The following SAMD4B variants were observed in gnomAD, a reference collection of about 807,000 sequenced individuals.
The protein encoded by SAMD4B is protein Smaug homolog 2.
SAMD4B carries 5 observed loss-of-function variants against 74.5 expected under a neutral mutation model. That is an observed-to-expected ratio of 0.07 (90% confidence interval 0.04 to 0.14). The LOEUF is 0.14. Among genes scored for constraint, SAMD4B ranks in the 10% least tolerant of loss-of-function variants. SAMD4B has a pLI of 1.00. For missense variants in SAMD4B, 608 were observed against 921.8 expected (o/e 0.66, Z 4.41); for synonymous variants, 373 against 374.9 (o/e 1.00, Z 0.06).
chr19:39,390,261 T>G (rs775501264), downstream of SAMD4B: 1 of 1,613,526 alleles, frequency 6.2e-7, no homozygotes. Context: ...GGGGCTCACC[T>G]CTCAGGCAGA....
Position 39,357,029 on chromosome 19 carries a change from G to C in SAMD4B, c.136G>C (p.Glu46Gln). The C allele has an allele frequency of 6.2e-7, 1 of 1,614,058 alleles. No individual in the cohort carries two copies. Among genetic ancestry groups the C allele is most frequent in the Non-Finnish European group, 8.5e-7 (1 of 1,179,934 alleles). Residue 46 changes from glutamate to glutamine, a missense_variant, in exon 3 of 14, where the codon GAG (glutamate) becomes CAG (glutamine). Around this residue, in one of 9 missense-constraint regions of SAMD4B, gnomAD observed 74 missense variants for 182.0 expected, o/e 0.41. Transcript: ENST00000610417. The stretch of plus-strand genomic sequence containing the variant: ...GGCCCGCTTCCTGCAGCTCTGCCTG[G>C]AGCACTCACTGGCGGACTGCAATGA... ...TQARFLQLCL[E>Q]HSLADCNDIH...
At position 39,375,525 on chromosome 19, in the gene SAMD4B, C is replaced by T. The variant is rs1308956552; in HGVS notation, c.668-125C>T. 7 of 1,269,504 alleles carry T rather than the reference C, an allele frequency of 5.5e-6. No individual in the cohort carries two copies. Among genetic ancestry groups the T allele is most frequent in the South Asian group, 1.4e-5 (1 of 70,340 alleles). 78.6% of individuals were successfully genotyped at this position (1,269,504 alleles called of 1,614,324 possible). ...ATCTGGTAGGCAGTTACCCTTGGAC[C>T]CCAGGTCCCTTCCTCTTGGCAGGTT... On this transcript the variant is annotated intron_variant, in intron 4 of 13. Coordinates refer to ENST00000610417, the MANE Select transcript of SAMD4B (RefSeq NM_001384574.2). The surrounding 1 kb of genome is among the most constrained non-coding windows in gnomAD (Gnocchi z 4.1).
downstream of SAMD4B, among the ~76,000 whole-genome samples, chr19:39,388,010 A>T (rs2078290555): frequency 6.6e-6 from 1 of 152,150 alleles, no homozygotes; most frequent in Non-Finnish European, 1.5e-5. Flanking sequence ...CCATGCTGGC[A>T]CACGCCTGTG....
chr19:39,354,638 A>G (rs2076241089), intron 2 of SAMD4B, among the ~76,000 whole-genome samples: 1 of 152,190 alleles, frequency 6.6e-6, no homozygotes, highest in African/African-American at 2.4e-5. Context: ...GCCAAATTAT[A>G]TAGGAATGAA....
intron 6 of SAMD4B, 41 bp downstream of exon 6, chr19:39,376,587 G>A (rs750506941): frequency 1.3e-5 from 20 of 1,589,396 alleles, no homozygotes; most frequent in Admixed American, 3.3e-5. Context: ...TGGGGGCAGC[G>A]CTAGTTTGGC....
At chr19:39,390,137 C>A, downstream of SAMD4B, 1 of 1,614,112 alleles carries the variant, frequency 6.2e-7, no homozygotes, top group South Asian at 1.1e-5. Flanking sequence ...TATTGCAGTA[C>A]TTGACTCGGC....
intron 3 of SAMD4B, among the ~76,000 whole-genome samples, chr19:39,362,733 A>G (rs567730835): frequency 3.2e-4 from 49 of 152,040 alleles, no homozygotes; most frequent in African/African-American, 9.4e-4. Flanking sequence ...GCTGAATTCC[A>G]CTTCCCTCCA....
At chr19:39,359,803 G>A (rs964812806) in intron 3 of SAMD4B, 4 of 152,162 alleles carry the variant, frequency 2.6e-5, no homozygotes, top group Admixed American at 2.0e-4. Flanking sequence ...CTTACAAACA[G>A]TGATGTAATG....
In SAMD4B at chr19:39,376,895, A is replaced by G. The variant is rs1047228211; in HGVS notation, c.1104+104A>G. On this transcript the variant is annotated intron_variant, in intron 7 of 13. Coordinates refer to ENST00000610417, the MANE Select transcript of SAMD4B (RefSeq NM_001384574.2). ...TCCAGACTCCTCGGATGTGGCCTCC[A>G]AAATTCCCAGCCCTAGGGACCCAGA... 5.6e-5 allele frequency: 52 copies of G among 930,016 alleles called. 1 individual carries two copies. The highest frequency in any genetic ancestry group is 8.3e-5 in the Non-Finnish European group (50 of 600,976). The allele number at this position is 930,016 out of a possible 1,614,324, so 57.6% of individuals were successfully genotyped here. A position where few individuals can be genotyped will look rare whatever the true frequency, so the allele number is the denominator to read the frequency against.
chr19:39,379,521 G>A (rs2077822078), intron 9 of SAMD4B, among the ~76,000 whole-genome samples: 1 of 152,210 alleles, frequency 6.6e-6, no homozygotes, highest in Non-Finnish European at 1.5e-5. Flanking sequence ...CTCTGGGCAT[G>A]GTCACCTCTG....
In SAMD4B at chr19:39,384,490, G is replaced by T. The variant is rs901364997; in HGVS notation, c.*963G>T. On this transcript the variant is annotated 3_prime_UTR_variant, in exon 14 of 14. Transcript: ENST00000610417. ...TGGGAGTCAGGAATAAGGGAAAGGG[G>T]ATTGTTTGGTTTTTGGGTTTTTCCC... is the stretch of plus-strand genomic sequence containing the variant. 5.9e-5 allele frequency: 9 copies of T among 152,676 alleles called. No homozygotes were observed. The highest frequency in any genetic ancestry group is 1.2e-4 in the Non-Finnish European group (8 of 68,044). The allele number at this position is 152,676 out of a possible 1,614,324, so 9.5% of individuals were successfully genotyped here.
In SAMD4B at chr19:39,383,074, A is replaced by G; in HGVS notation, c.1973-134A>G. 2.7e-6 allele frequency: 2 copies of G among 734,612 alleles called. No homozygotes were observed. Among genetic ancestry groups the G allele is most frequent in the Non-Finnish European group, 5.0e-6 (2 of 403,534 alleles). The allele number at this position is 734,612 out of a possible 1,614,324, so 45.5% of individuals were successfully genotyped here. Reference sequence around the variant, plus strand: ...GACACGCTCGCCTCTCTCCCTGTCCACCTCCTCCCGTTCTTCCCTCTCCCC... The same window carrying G: ...GACACGCTCGCCTCTCTCCCTGTCCGCCTCCTCCCGTTCTTCCCTCTCCCC... On this transcript the variant is annotated intron_variant, in intron 12 of 13. Coordinates refer to ENST00000610417, the MANE Select transcript of SAMD4B (RefSeq NM_001384574.2). This position sits in a 1 kb window ranked among gnomAD's most constrained non-coding sequence, Gnocchi z 4.1.
chr19:39,379,427 T>C (rs2077815969), intron 9 of SAMD4B, among the ~76,000 whole-genome samples: 1 of 152,208 alleles, frequency 6.6e-6, no homozygotes, highest in Non-Finnish European at 1.5e-5. Flanking sequence ...TTCTTTTGCT[T>C]CCTGTTCTTC....
At chr19:39,389,646 G>A, downstream of SAMD4B, 1 of 1,614,176 alleles carries the variant, frequency 6.2e-7, no homozygotes, top group East Asian at 2.2e-5. The surrounding 1 kb of genome is among the most constrained non-coding windows in gnomAD (Gnocchi z 5.3). Flanking sequence ...ACACCATTGG[G>A]GTCGATGCGG....
chr19:39,385,990 C>G (rs1486850288), downstream of SAMD4B: 1 of 1,613,428 alleles, frequency 6.2e-7, no homozygotes, highest in Admixed American at 1.7e-5. Context: ...TGCCCTGGGA[C>G]TCAGTCACTG....
At chr19:39,345,775 C>T (rs1416068345) in intron 1 of SAMD4B, among the ~76,000 whole-genome samples, 1 of 152,226 alleles carries the variant, frequency 6.6e-6, no homozygotes, top group East Asian at 1.9e-4. Context: ...GCAGCTCTTC[C>T]TTCTGCATTT....
intron 1 of SAMD4B, among the ~76,000 whole-genome samples, chr19:39,352,815 T>G (rs1167898797): frequency 6.6e-6 from 1 of 152,122 alleles, no homozygotes. Flanking sequence ...TAAAAGAATT[T>G]ATGGGAAAGA....
At chr19:39,377,886 C>T (rs1020131948) in intron 8 of SAMD4B, 62 bp downstream of exon 8, 3 of 1,473,636 alleles carry the variant, frequency 2.0e-6, no homozygotes, top group African/African-American at 2.8e-5. Context: ...ACCCAAGCAC[C>T]AGGGATCAAA....
rs887006494 is a variant in SAMD4B, at chr19:39,378,568, C to T, written c.1509C>T (p.Ile503=). 7 of 1,613,928 alleles carry T rather than the reference C, an allele frequency of 4.3e-6. No individual in the cohort carries two copies. The highest frequency in any genetic ancestry group is 4.0e-5 in the African/African-American group (3 of 75,016). ...EENITSYLQL[I]EKCLTHEAFT... ...ACATCACCAGTTACCTCCAGCTCAT[C>T]GAAAAGTGCCTGACTCATGAGGTAA... Residue 503 remains isoleucine (I), a synonymous_variant, in exon 9 of 14, where the codon ATC becomes ATT. Transcript: ENST00000610417. This position sits in a 1 kb window ranked among gnomAD's most constrained non-coding sequence, Gnocchi z 4.4.
Sources: allele counts gnomAD v4.1 joint callset (sites outside exome capture counted in the v4.1 genomes callset), GRCh38; gene constraint gnomAD v4.1.1; regional missense constraint gnomAD v4.1.1; non-coding constraint Gnocchi (gnomAD v3.1); transcripts MANE v1.5; gene names NCBI Gene and HGNC (gene_info 2026-07-23, HGNC 2026-07-21).